The following SLC8A2 variants were observed in gnomAD, a reference collection of about 807,000 sequenced individuals.
The protein encoded by SLC8A2 is sodium/calcium exchanger 2.
Under a neutral mutation model 70.2 loss-of-function variants are expected in SLC8A2, and 14 were observed. The observed-to-expected ratio is 0.20, with a 90% CI of 0.13 to 0.31. The LOEUF is 0.31. SLC8A2 is among the 10% of genes least tolerant of loss of function. The pLI, the probability that SLC8A2 is intolerant of heterozygous loss-of-function variation, is 1.00. For missense variants in SLC8A2, 779 were observed against 1,320.1 expected (o/e 0.59, Z 6.35); for synonymous variants, 575 against 594.3 (o/e 0.97, Z 0.47).
chr19:47,441,118 C>T, intron 6 of SLC8A2, 51 bp downstream of exon 6: 1 of 1,581,448 alleles, frequency 6.3e-7, no homozygotes, highest in Non-Finnish European at 8.7e-7. Flanking sequence ...TCCCCCAGGC[C>T]CTCTTCCAGT....
At chr19:47,450,899 T>G (rs1181550750) in intron 3 of SLC8A2, among the ~76,000 whole-genome samples, 1 of 151,924 alleles carries the variant, frequency 6.6e-6, no homozygotes, top group Non-Finnish European at 1.5e-5. Context: ...GCTAGTGATA[T>G]CCACATATTA....
In SLC8A2 at chr19:47,465,763, A is replaced by C; in HGVS notation, c.641T>G (p.Leu214Arg). 1 of 1,613,300 alleles carries C rather than the reference A, an allele frequency of 6.2e-7. No homozygotes were observed. The change falls in exon 2 of 10, where the codon CTC (leucine) becomes CGC (arginine). Residue 214 changes from leucine to arginine, a missense_variant. Physicochemically the swap from Leu to Arg is moderately radical, Grantham distance 102. Transcript: ENST00000236877. The surrounding 1 kb of genome is among the most constrained non-coding windows in gnomAD (Gnocchi z 5.5). ...WSIFAYVWLY[L>R]ILAVFSPGVV... ...ACCGGGGGAAAAAACAGCAAGGATG[A>C]GATAAAGCCAGACATAGGCGAAGAT...
At chr19:47,435,017 C>T (rs946993260) in intron 8 of SLC8A2, among the ~76,000 whole-genome samples, 9 of 151,980 alleles carry the variant, frequency 5.9e-5, no homozygotes, top group African/African-American at 1.9e-4. Flanking sequence ...AAGACCAGTC[C>T]GGCCAACATG....
intron 6 of SLC8A2, among the ~76,000 whole-genome samples, chr19:47,439,549 GAA>G (rs1285928959): frequency 6.6e-6 from 1 of 151,258 alleles, no homozygotes; most frequent in Non-Finnish European, 1.5e-5. Context: ...GACAAACAAA[GAA>G]ACAAAAAACA....
At position 47,450,145 on chromosome 19, in the gene SLC8A2, C is replaced by G. The variant is rs374045970; in HGVS notation, c.1341-1914G>C. ...GAAAATCTATCATTTCCCCCAATCC[C>G]TCCTACTGTGCATGTAAGGGGCTCA... On this transcript the variant is annotated intron_variant, in intron 3 of 9. Coordinates refer to ENST00000236877, the MANE Select transcript of SLC8A2 (RefSeq NM_015063.3). 3.9e-5 allele frequency among the ~76,000 whole-genome samples: 6 copies of G among 152,164 alleles called. No homozygotes were observed. The East Asian group carries it at 1.2e-3, about 29-fold the overall frequency.
chr19:47,439,603 C>CTCCCTCCTTCCTTCCT (rs1967073801), intron 6 of SLC8A2, among the ~76,000 whole-genome samples: 1 of 68,546 alleles, frequency 1.5e-5, no homozygotes, highest in Non-Finnish European at 2.6e-5. Flanking sequence ...TCTCTTCTCC[C>CTCCCTCCTTCCTTCCT]TCCTTCCTTC....
At chr19:47,446,585 G>A (rs935369458) in intron 4 of SLC8A2, among the ~76,000 whole-genome samples, 13 of 152,140 alleles carry the variant, frequency 8.5e-5, no homozygotes, top group Admixed American at 3.3e-4. Flanking sequence ...ACACCACCAT[G>A]CCCAGCTAAT....
intron 6 of SLC8A2, among the ~76,000 whole-genome samples, chr19:47,439,460 G>C (rs1035995062): frequency 2.0e-5 from 3 of 152,210 alleles, no homozygotes; most frequent in Admixed American, 6.5e-5. Context: ...TGAACCCCGG[G>C]GGGTGGAGGT....
intron 7 of SLC8A2, 74 bp from the exon 8 acceptor site, chr19:47,437,635 CGG>C (rs1364524953): frequency 7.7e-7 from 1 of 1,295,834 alleles, no homozygotes; most frequent in Admixed American, 1.7e-5. Context: ...GGTCCTGGGT[CGG>C]GGGCTCACAG....
chr19:47,441,228 C>G (rs750587699), intron 5 of SLC8A2, 42 bp from the exon 6 acceptor site: 1 of 1,612,686 alleles, frequency 6.2e-7, no homozygotes, highest in East Asian at 2.2e-5. Context: ...GATCAGTTCC[C>G]CACGAAGCTC....
intron 6 of SLC8A2, among the ~76,000 whole-genome samples, chr19:47,440,251 A>G (rs1019223306): frequency 2.0e-5 from 3 of 152,120 alleles, no homozygotes; most frequent in African/African-American, 7.2e-5. Flanking sequence ...ATCTGACTCT[A>G]ATTCTAATCT....
Position 47,432,546 on chromosome 19 carries a change from G to A in SLC8A2, c.2111-101C>T. On this transcript the variant is annotated intron_variant, in intron 8 of 9. Coordinates refer to ENST00000236877, the MANE Select transcript of SLC8A2 (RefSeq NM_015063.3). This position sits in a 1 kb window ranked among gnomAD's most constrained non-coding sequence, Gnocchi z 6.2. Reference sequence around the variant, plus strand: ...TTCCTGACAGCAAGTCCCATTGAATGAACTTCTTTCCCAGAATCCCTTGCA... The same window carrying A: ...TTCCTGACAGCAAGTCCCATTGAATAAACTTCTTTCCCAGAATCCCTTGCA... 8.1e-7 allele frequency: 1 copy of A among 1,228,106 alleles called. No homozygotes were observed. The highest frequency in any genetic ancestry group is 1.5e-5 in the South Asian group (1 of 67,156). The allele number at this position is 1,228,106 out of a possible 1,614,324, so 76.1% of individuals were successfully genotyped here. A position where few individuals can be genotyped will look rare whatever the true frequency, so the allele number is the denominator to read the frequency against.
chr19:47,452,396 TGGAGAG>T (rs1259843972), intron 3 of SLC8A2, among the ~76,000 whole-genome samples: 1 of 76,116 alleles, frequency 1.3e-5, no homozygotes. Context: ...TATATATATA[TGGAGAG>T]AGAGAGAGAG....
At chr19:47,464,530 T>C (rs1157046260) in intron 2 of SLC8A2, among the ~76,000 whole-genome samples, 1 of 152,176 alleles carries the variant, frequency 6.6e-6, no homozygotes, top group Admixed American at 6.5e-5. Context: ...CTCCTCTTTC[T>C]CTCTCCCTCT....
intron 3 of SLC8A2, among the ~76,000 whole-genome samples, chr19:47,452,233 G>A (rs554755741): frequency 5.3e-5 from 8 of 151,878 alleles, no homozygotes; most frequent in Non-Finnish European, 1.0e-4. Flanking sequence ...TTATTATTTT[G>A]AGACAGATTC....
At chr19:47,455,051 T>C (rs1163966342) in intron 3 of SLC8A2, among the ~76,000 whole-genome samples, 1 of 151,970 alleles carries the variant, frequency 6.6e-6, no homozygotes, top group Non-Finnish European at 1.5e-5. Flanking sequence ...CGTACCACTG[T>C]ACTCCAGTCT....
intron 3 of SLC8A2, among the ~76,000 whole-genome samples, chr19:47,452,435 AGAGAGAGAGAGT>A (rs1184813539): frequency 0.013 from 1,189 of 94,540 alleles, 2 homozygotes; most frequent in Non-Finnish European, 0.017. Context: ...AGAGAGAGAG[AGAGAGAGAGAGT>A]GTGTGTGTGT....
Position 47,447,629 on chromosome 19 carries a change from ATGGGTCACAGGCCCCGCCCAC to A in SLC8A2, c.1763+159_1763+179del. The A allele has an allele frequency of 2.5e-6, 1 of 407,776 alleles. No individual in the cohort carries two copies. The highest frequency in any genetic ancestry group is 4.2e-6 in the Non-Finnish European group (1 of 239,480). 25.3% of individuals were successfully genotyped at this position (407,776 alleles called of 1,614,324 possible). On this transcript the variant is annotated intron_variant, in intron 4 of 9. Coordinates refer to ENST00000236877, the MANE Select transcript of SLC8A2 (RefSeq NM_015063.3). This position sits in a 1 kb window ranked among gnomAD's most constrained non-coding sequence, Gnocchi z 5.1. ...GTGAAGCCCCGCCCACGTCGTGGGC[ATGGGTCACAGGCCCCGCCCAC>A]GTTGCGGGCACGGCCACGCAGGCCC... is the stretch of plus-strand genomic sequence containing the variant.
chr19:47,456,679 C>T (rs934774895), intron 3 of SLC8A2, among the ~76,000 whole-genome samples: 1 of 152,154 alleles, frequency 6.6e-6, no homozygotes, highest in African/African-American at 2.4e-5. Context: ...AAACAAAAAC[C>T]CAGAGGTAGA....
Sources: gnomAD v4.1 joint callset for allele counts (sites outside exome capture counted in the v4.1 genomes callset) on GRCh38, gnomAD v4.1.1 for gene constraint, Gnocchi (gnomAD v3.1) non-coding constraint, MANE v1.5 for transcripts, NCBI Gene and HGNC (gene_info 2026-07-23, HGNC 2026-07-21) for gene names.